Variants in PDE1A observed in about 807,000 individuals in gnomAD.
PDE1A encodes the protein phosphodiesterase 1A.
In PDE1A, 35 loss-of-function variants were observed where a neutral mutation model predicts 61.7. The observed-to-expected ratio is 0.57, with a 90% CI of 0.43 to 0.75. PDE1A has a LOEUF of 0.75. Among genes scored for constraint, PDE1A ranks in the 30% least tolerant of loss-of-function variants. The pLI is 0.00. For synonymous variants in PDE1A, 232 were observed against 213.2 expected (o/e 1.09, Z -0.77); for missense variants, 597 against 630.6 (o/e 0.95, Z 0.57).
chr2:182,515,954 C>CTGTG lies in PDE1A; in HGVS notation c.101+6318_101+6321dup, dbSNP rs201729102. 9.1e-3 allele frequency among the ~76,000 whole-genome samples: 1,191 copies of CTGTG among 130,446 alleles called. 5 individuals are homozygous for CTGTG. The highest frequency in any genetic ancestry group is 0.039 in the Middle Eastern group (9 of 228). 85.6% of individuals were successfully genotyped at this position (130,446 alleles called of 152,430 possible). A position where few individuals can be genotyped will look rare whatever the true frequency, so the allele number is the denominator to read the frequency against. ...AGGGATTGTGCGTGTGTGTGTGTTT[C>CTGTG]TGTGTGTGTGTGTGTGTGTGTGTGT... On this transcript the variant is annotated intron_variant, in intron 2 of 14. Coordinates refer to the PDE1A transcript ENST00000410103.
At chr2:182,354,628 G>C (rs1201983802) in intron 1 of PDE1A, among the ~76,000 whole-genome samples, 1 of 152,090 alleles carries the variant, frequency 6.6e-6, no homozygotes, top group East Asian at 1.9e-4. Context: ...AAGTGCTTGA[G>C]AAAAGACCTA....
the PDE1A span, among the ~76,000 whole-genome samples, chr2:182,636,612 T>C: frequency 2.6e-5 from 4 of 152,238 alleles, no homozygotes; most frequent in Admixed American, 6.5e-5. Flanking sequence ...ATGTATTCCC[T>C]AATCAGCAAA....
chr2:182,492,187 AG>A (rs767526839), intron 2 of PDE1A, among the ~76,000 whole-genome samples: 7 of 152,206 alleles, frequency 4.6e-5, no homozygotes, highest in Non-Finnish European at 8.8e-5. Flanking sequence ...ACAAAACTTC[AG>A]GCTTCCTCTC....
intron 1 of PDE1A, among the ~76,000 whole-genome samples, chr2:182,403,408 G>A (rs1021948850): frequency 6.6e-6 from 1 of 151,862 alleles, no homozygotes; most frequent in African/African-American, 2.4e-5. Flanking sequence ...GACCATCCTG[G>A]CTAACACGGT....
chr2:182,402,333 A>G (rs1702053213), intron 1 of PDE1A, among the ~76,000 whole-genome samples: 1 of 152,218 alleles, frequency 6.6e-6, no homozygotes, highest in Non-Finnish European at 1.5e-5. Flanking sequence ...AGATTTATAG[A>G]CCAATGGAAC....
At chr2:182,545,201 G>A in the PDE1A span, among the ~76,000 whole-genome samples, 3 of 152,172 alleles carry the variant, frequency 2.0e-5, no homozygotes, top group Non-Finnish European at 2.9e-5. Flanking sequence ...TGTCTCTGCT[G>A]TGGCTGGCTT....
intron 2 of PDE1A, among the ~76,000 whole-genome samples, chr2:182,467,673 C>T (rs1686761639): frequency 6.6e-6 from 1 of 151,780 alleles, no homozygotes. Flanking sequence ...TCAAATTGAG[C>T]ATTATGTAAA....
chr2:182,396,629 T>C (rs1256130485), intron 1 of PDE1A, among the ~76,000 whole-genome samples: 5 of 152,250 alleles, frequency 3.3e-5, no homozygotes, highest in Non-Finnish European at 7.3e-5. Flanking sequence ...TTTTCCTTTA[T>C]CAAGTAACAT....
the PDE1A span, among the ~76,000 whole-genome samples, chr2:182,653,915 C>T: frequency 1.3e-5 from 2 of 152,258 alleles, no homozygotes; most frequent in Admixed American, 6.5e-5. Context: ...TCTTCCTGCA[C>T]ATCAGATCCA....
chr2:182,318,546 C>A (rs186842294), intron 1 of PDE1A, among the ~76,000 whole-genome samples: 10 of 152,220 alleles, frequency 6.6e-5, no homozygotes, highest in Admixed American at 2.0e-4. Context: ...GGCTGTTTTG[C>A]CGAAAATTAA....
chr2:182,438,763 A>G (rs1472211744), intron 2 of PDE1A, among the ~76,000 whole-genome samples: 3 of 152,026 alleles, frequency 2.0e-5, no homozygotes, highest in Non-Finnish European at 4.4e-5. Context: ...ACCAAATTAT[A>G]TATGCCATAC....
chr2:182,595,234 A>T, the PDE1A span, among the ~76,000 whole-genome samples: 1 of 152,180 alleles, frequency 6.6e-6, no homozygotes, highest in Non-Finnish European at 1.5e-5. Flanking sequence ...AGAAAAAAAC[A>T]TATTTCTTAT....
intron 1 of PDE1A, among the ~76,000 whole-genome samples, chr2:182,400,119 A>G (rs1008830446): frequency 6.6e-6 from 1 of 152,164 alleles, no homozygotes; most frequent in Non-Finnish European, 1.5e-5. Context: ...AGATTTTTAC[A>G]TATTTATTGG....
chr2:182,672,508 T>C, the PDE1A span, among the ~76,000 whole-genome samples: 5,590 of 152,202 alleles, frequency 0.037, 127 homozygotes, highest in Non-Finnish European at 0.055. Context: ...TCAACAAATA[T>C]AACAAAAAGA....
intron 2 of PDE1A, among the ~76,000 whole-genome samples, chr2:182,505,890 A>C (rs1689378680): frequency 6.6e-6 from 1 of 152,226 alleles, no homozygotes; most frequent in Non-Finnish European, 1.5e-5. Context: ...AAAATAAATA[A>C]ATAATATCTT....
chr2:182,537,928 G>T, the PDE1A span, among the ~76,000 whole-genome samples: 3 of 152,078 alleles, frequency 2.0e-5, no homozygotes, highest in South Asian at 6.2e-4. Flanking sequence ...TTGAACAAGA[G>T]ATTGAAGCTC....
chr2:182,398,672 A>G (rs897488403), intron 1 of PDE1A, among the ~76,000 whole-genome samples: 2 of 152,040 alleles, frequency 1.3e-5, no homozygotes, highest in African/African-American at 4.8e-5. Flanking sequence ...ACCACAAGTG[A>G]CTACTTATAT....
At chr2:182,632,730 T>C in the PDE1A span, among the ~76,000 whole-genome samples, 7 of 152,162 alleles carry the variant, frequency 4.6e-5, no homozygotes, top group Non-Finnish European at 1.0e-4. Context: ...AAAGTTCAAA[T>C]TACATTTTGA....
At chr2:182,232,379 C>T (rs556932526) in intron 4 of PDE1A, among the ~76,000 whole-genome samples, 332 of 152,236 alleles carry the variant, frequency 2.2e-3, no homozygotes, top group Non-Finnish European at 3.9e-3. Flanking sequence ...TAAAGCTATG[C>T]GTTAATTTTC....
Sources: allele counts gnomAD v4.1 joint callset (sites outside exome capture counted in the v4.1 genomes callset), GRCh38; gene constraint gnomAD v4.1.1; transcripts MANE v1.5; gene names NCBI Gene and HGNC (gene_info 2026-07-23, HGNC 2026-07-21).